DAB1: variants seen among roughly 807,000 people sequenced by gnomAD.
DAB1 encodes the protein disabled homolog 1.
DAB1 carries 15 observed loss-of-function variants against 64.6 expected under a neutral mutation model. The observed-to-expected ratio is 0.23, with a 90% CI of 0.16 to 0.36. DAB1 has a LOEUF of 0.36. Ranked by LOEUF, DAB1 falls within the 10% of genes least tolerant of loss-of-function variation. DAB1 has a pLI of 1.00. For synonymous variants in DAB1, 235 were observed against 251.9 expected (o/e 0.93, Z 0.64); for missense variants, 596 against 706.7 (o/e 0.84, Z 1.78).
At chr1:57,975,009 G>T (rs1435286687) in intron 5 of DAB1, among the ~76,000 whole-genome samples, 2 of 152,136 alleles carry the variant, frequency 1.3e-5, no homozygotes, top group Non-Finnish European at 2.9e-5. Context: ...CTGAATGTTT[G>T]TATTCCCCTC....
intron 4 of DAB1, among the ~76,000 whole-genome samples, chr1:58,274,578 G>A (rs1206789710): frequency 6.8e-6 from 1 of 147,690 alleles, no homozygotes; most frequent in Non-Finnish European, 1.5e-5. Context: ...AGCACGCCTG[G>A]GCAATGGCGG....
At chr1:58,465,550 G>A (rs1645288056) in intron 3 of DAB1, among the ~76,000 whole-genome samples, 1 of 152,174 alleles carries the variant, frequency 6.6e-6, no homozygotes, top group African/African-American at 2.4e-5. Context: ...TCAGGGTAAG[G>A]AGCAGCTTCG....
At chr1:57,004,826 G>A (rs1057234736) in intron 14 of DAB1, among the ~76,000 whole-genome samples, 8 of 152,248 alleles carry the variant, frequency 5.3e-5, no homozygotes, top group Admixed American at 3.9e-4. Context: ...CCTAACTTCC[G>A]ATATGAACTT....
intron 1 of DAB1, among the ~76,000 whole-genome samples, chr1:57,837,164 C>A (rs1421444894): frequency 1.3e-5 from 2 of 152,218 alleles, no homozygotes; most frequent in African/African-American, 4.8e-5. Context: ...TTCTATCCCT[C>A]TCCCAAAATA....
intron 3 of DAB1, among the ~76,000 whole-genome samples, chr1:58,390,625 C>A (rs929359939): frequency 6.6e-6 from 1 of 151,980 alleles, no homozygotes; most frequent in Non-Finnish European, 1.5e-5. Flanking sequence ...TTTTGTGAAA[C>A]AAAAATAAAA....
At chr1:57,719,558 A>G (rs1422015342) in intron 6 of DAB1, among the ~76,000 whole-genome samples, 1 of 152,202 alleles carries the variant, frequency 6.6e-6, no homozygotes, top group Non-Finnish European at 1.5e-5. Context: ...AGTTTCCTTC[A>G]TGCTGTTCTC....
At chr1:58,409,029 C>T (rs535952415) in intron 3 of DAB1, among the ~76,000 whole-genome samples, 18 of 152,288 alleles carry the variant, frequency 1.2e-4, no homozygotes, top group Admixed American at 6.5e-4. Flanking sequence ...GAGGTGATCA[C>T]GTGAAAAGGG....
intron 4 of DAB1, among the ~76,000 whole-genome samples, chr1:58,342,912 A>G (rs1343405209): frequency 1.3e-5 from 2 of 152,094 alleles, no homozygotes; most frequent in African/African-American, 2.4e-5. Flanking sequence ...GTGTCTCCAC[A>G]CTACACCCCA....
intron 2 of DAB1, among the ~76,000 whole-genome samples, chr1:57,235,093 A>G (rs1667995694): frequency 6.6e-6 from 1 of 152,168 alleles, no homozygotes; most frequent in Admixed American, 6.5e-5. Flanking sequence ...GATTTCAGGG[A>G]TCAGAGGGAA....
At chr1:58,314,776 C>G (rs145114493) in intron 4 of DAB1, among the ~76,000 whole-genome samples, 50 of 152,256 alleles carry the variant, frequency 3.3e-4, no homozygotes, top group African/African-American at 1.1e-3. Flanking sequence ...CTGTTTTGTT[C>G]ACAACATTTT....
chr1:58,125,786 T>G (rs541039571), intron 5 of DAB1, among the ~76,000 whole-genome samples: 1 of 152,298 alleles, frequency 6.6e-6, no homozygotes, highest in South Asian at 2.1e-4. Context: ...ATGCATTCTC[T>G]TCTGCTGATC....
At chr1:58,290,785 A>G (rs1373797082) in intron 4 of DAB1, among the ~76,000 whole-genome samples, 1 of 152,144 alleles carries the variant, frequency 6.6e-6, no homozygotes, top group Non-Finnish European at 1.5e-5. Flanking sequence ...TTCTCAAGCC[A>G]CTGCCTGCTG....
At chr1:58,362,400 G>A (rs1644176168) in intron 3 of DAB1, among the ~76,000 whole-genome samples, 1 of 152,162 alleles carries the variant, frequency 6.6e-6, no homozygotes, top group South Asian at 2.1e-4. Flanking sequence ...GAAAAATACT[G>A]ACCTACATTG....
At chr1:57,004,668 G>A (rs956647434) in intron 14 of DAB1, among the ~76,000 whole-genome samples, 19 of 152,306 alleles carry the variant, frequency 1.2e-4, no homozygotes, top group Non-Finnish European at 1.0e-4. Flanking sequence ...CTCAGTGGGA[G>A]TTTTACATTC....
rs1027142589 is a variant in DAB1 at position 58,116,054 on chromosome 1, A to G, written n.387+34457T>C. Among the ~76,000 whole-genome samples, 5 of 152,034 alleles carry G rather than the reference A, an allele frequency of 3.3e-5. No individual in the cohort carries two copies. In the East Asian group the frequency reaches 9.6e-4, roughly 29 times the overall value. ...AAAATAAAAATAAAAAAAAATAAAT[A>G]AATTACTCAGTTTGTCAACCTGCCT... On this transcript the variant is annotated intron_variant and non_coding_transcript_variant, in intron 5 of 20. Coordinates refer to the DAB1 transcript ENST00000485760.
chr1:57,363,170 G>GT (rs952476360), intron 1 of DAB1, among the ~76,000 whole-genome samples: 1 of 152,188 alleles, frequency 6.6e-6, no homozygotes, highest in African/African-American at 2.4e-5. Context: ...CAAATGGTTA[G>GT]TTGTGTTGGT....
chr1:57,345,227 C>T (rs1428911335), intron 1 of DAB1, among the ~76,000 whole-genome samples: 5 of 152,188 alleles, frequency 3.3e-5, no homozygotes, highest in Admixed American at 3.3e-4. Context: ...TATCGTGGAT[C>T]TGCCCTTTCC....
chr1:57,652,684 T>C (rs944986442), intron 6 of DAB1, among the ~76,000 whole-genome samples: 5 of 152,232 alleles, frequency 3.3e-5, no homozygotes, highest in Non-Finnish European at 5.9e-5. Context: ...TTTCTTAATG[T>C]AGCTAAAGAT....
chr1:57,612,942 A>G (rs1645746439), intron 7 of DAB1, among the ~76,000 whole-genome samples: 2 of 152,270 alleles, frequency 1.3e-5, no homozygotes, highest in Admixed American at 1.3e-4. Context: ...CTTCTACATG[A>G]GGCTAAGAGT....
Sources: gnomAD v4.1 joint callset for allele counts (sites outside exome capture counted in the v4.1 genomes callset) on GRCh38, gnomAD v4.1.1 for gene constraint, MANE v1.5 for transcripts, NCBI Gene and HGNC (gene_info 2026-07-23, HGNC 2026-07-21) for gene names.